Variants in RBP2 observed in about 807,000 individuals in gnomAD.
RBP2 encodes retinol-binding protein 2.
Under a neutral mutation model 17.0 loss-of-function variants are expected in RBP2, and 17 were observed. That is an observed-to-expected ratio of 1.00 (90% CI 0.68 to 1.50). The LOEUF is 1.50. RBP2 is among the 40% of genes most tolerant of loss of function. The pLI is 0.00. For missense variants in RBP2, 158 were observed against 168.2 expected (o/e 0.94, Z 0.33); for synonymous variants, 48 against 57.1 (o/e 0.84, Z 0.72).
chr3:139,469,735 A>ATCTATCTATCTATCTC (rs1169570810), intron 1 of RBP2, among the ~76,000 whole-genome samples: 1 of 151,402 alleles, frequency 6.6e-6, no homozygotes, highest in South Asian at 2.1e-4. Context: ...CTATCTATCT[A>ATCTATCTATCTATCTC]CCTACTCATT....
chr3:139,458,564 C>A (rs1188891132), intron 2 of RBP2, among the ~76,000 whole-genome samples: 18 of 152,170 alleles, frequency 1.2e-4, no homozygotes, highest in Admixed American at 1.2e-3. Flanking sequence ...ATATCTAAAT[C>A]CAGGTGATTT....
In RBP2 at chr3:139,453,043, G is replaced by C; in HGVS notation, c.*73C>G. ...CAAGAGTGGGAAGGTCCCCACAGCT[G>C]TTTCTCAAAGCCAGTAGACCACTCA... On this transcript the variant is annotated 3_prime_UTR_variant, in exon 4 of 4. Transcript: ENST00000232217. 1.3e-6 allele frequency: 2 copies of C among 1,574,442 alleles called. No individual in the cohort carries two copies. Among genetic ancestry groups the C allele is most frequent in the Non-Finnish European group, 1.7e-6 (2 of 1,144,038 alleles).
At position 139,456,409 on chromosome 3, in the gene RBP2, C is replaced by A. The variant is rs149428578; in HGVS notation, c.253-1579G>T. ...TACAATTTTATTCCTTCTCATTTTA[C>A]TCCCCAGTGCATCACAGCATTCTTT... is the stretch of plus-strand genomic sequence containing the variant. On this transcript the variant is annotated intron_variant, in intron 2 of 3. Transcript: ENST00000232217. 8.7e-3 allele frequency among the ~76,000 whole-genome samples: 1,319 copies of A among 152,316 alleles called. 5 individuals are homozygous for A. Among genetic ancestry groups the A allele is most frequent in the Middle Eastern group, 0.02 (6 of 294 alleles).
chr3:139,454,898 A>C (rs552868212), intron 2 of RBP2, 68 bp from the exon 3 acceptor site: 1 of 1,464,636 alleles, frequency 6.8e-7, no homozygotes, highest in East Asian at 2.3e-5. Flanking sequence ...CTAAACCTGC[A>C]GCTGCAATTC....
At chr3:139,463,598 A>C (rs1237928781) in intron 1 of RBP2, among the ~76,000 whole-genome samples, 2 of 152,210 alleles carry the variant, frequency 1.3e-5, no homozygotes, top group African/African-American at 4.8e-5. Flanking sequence ...TTACAAGAAG[A>C]AGCAAACCCC....
intron 1 of RBP2, among the ~76,000 whole-genome samples, chr3:139,466,220 C>T (rs1385201463): frequency 6.6e-6 from 1 of 152,120 alleles, no homozygotes; most frequent in Non-Finnish European, 1.5e-5. Context: ...TCTGAGGTGG[C>T]CACGGAGCCC....
chr3:139,453,056 A>G lies in RBP2; in HGVS notation c.*60T>C, dbSNP rs1943339066. On this transcript the variant is annotated 3_prime_UTR_variant, in exon 4 of 4. Coordinates refer to ENST00000232217, the MANE Select transcript of RBP2 (RefSeq NM_004164.3). Reference sequence around the variant, plus strand: ...GTCCCCACAGCTGTTTCTCAAAGCCAGTAGACCACTCAGTGTGGGCAGTGG... The same window carrying G: ...GTCCCCACAGCTGTTTCTCAAAGCCGGTAGACCACTCAGTGTGGGCAGTGG... 1 of 1,597,702 alleles carries G rather than the reference A, an allele frequency of 6.3e-7. No individual in the cohort carries two copies. Among genetic ancestry groups the G allele is most frequent in the Non-Finnish European group, 8.6e-7 (1 of 1,165,174 alleles).
At position 139,467,657 on chromosome 3, in the gene RBP2, C is replaced by A. The variant is rs1377213940; in HGVS notation, c.74-5367G>T. On this transcript the variant is annotated intron_variant, in intron 1 of 3. Transcript: ENST00000232217. ...AAATGCTTTACATAGTACCAAGTAG[C>A]TTGTCCATATGCAGTGCACATTGCC... 1.3e-5 allele frequency among the ~76,000 whole-genome samples: 2 copies of A among 152,156 alleles called. 1 individual carries two copies. The highest frequency in any genetic ancestry group is 4.8e-5 in the African/African-American group (2 of 41,424).
intron 1 of RBP2, among the ~76,000 whole-genome samples, chr3:139,464,017 T>C (rs573181768): frequency 1.3e-5 from 2 of 152,312 alleles, no homozygotes; most frequent in African/African-American, 4.8e-5. Flanking sequence ...GGACAAACAC[T>C]ATATTGTGGC....
At chr3:139,463,837 CT>C (rs1219399417) in intron 1 of RBP2, among the ~76,000 whole-genome samples, 2 of 152,118 alleles carry the variant, frequency 1.3e-5, no homozygotes, top group Non-Finnish European at 2.9e-5. Flanking sequence ...AGAAAATCCA[CT>C]GAGAAGGTTT....
At chr3:139,454,925 G>T in intron 2 of RBP2, 95 bp from the exon 3 acceptor site, 1 of 1,262,646 alleles carries the variant, frequency 7.9e-7, no homozygotes. Context: ...CCATTTCAGG[G>T]TCTTGCTTAC....
At chr3:139,467,332 T>A (rs1356809196) in intron 1 of RBP2, among the ~76,000 whole-genome samples, 13 of 152,050 alleles carry the variant, frequency 8.5e-5, no homozygotes, top group Non-Finnish European at 7.4e-5. Flanking sequence ...TAAATAAATA[T>A]AAATAAAAAT....
intron 1 of RBP2, among the ~76,000 whole-genome samples, chr3:139,466,947 C>T (rs1308982565): frequency 6.6e-6 from 1 of 152,186 alleles, no homozygotes; most frequent in Non-Finnish European, 1.5e-5. Flanking sequence ...CCTTCCTTAC[C>T]TGCTATCCAG....
chr3:139,462,558 AACACACACACACACACACAC>A (rs59601422), intron 1 of RBP2, among the ~76,000 whole-genome samples: 3 of 121,346 alleles, frequency 2.5e-5, no homozygotes, highest in East Asian at 2.3e-4. Context: ...GCAGCTCCCC[AACACACACACACACACACAC>A]ACACACACAC....
intron 1 of RBP2, among the ~76,000 whole-genome samples, chr3:139,462,558 A>AACACACACACACACACACACACACAC (rs59601422): frequency 0.011 from 1,308 of 121,314 alleles, 50 homozygotes; most frequent in African/African-American, 0.024. Flanking sequence ...GCAGCTCCCC[A>AACACACACACACACACACACACACAC]ACACACACAC....
chr3:139,456,981 A>C (rs1460901646), intron 2 of RBP2, among the ~76,000 whole-genome samples: 1 of 152,190 alleles, frequency 6.6e-6, no homozygotes, highest in Non-Finnish European at 1.5e-5. Flanking sequence ...TCCTCTAAAG[A>C]GATGAGAAAG....
At chr3:139,466,871 T>C in intron 1 of RBP2, 1 of 152,404 alleles carries the variant, frequency 6.6e-6, no homozygotes, top group Non-Finnish European at 1.5e-5. Context: ...CTGTCACTCT[T>C]GTCCCAGCTT....
chr3:139,476,446 T>C lies in RBP2; in HGVS notation c.14A>G (p.Gln5Arg). MTRD[Q>R]NGTWEMESNE... The stretch of plus-strand genomic sequence containing the variant: ...ACTCTCCATCTCCCAGGTTCCATTC[T>C]GGTCCCTTGTCATGGTGGTGGCCAC... The change falls in exon 1 of 4, where the codon CAG (glutamine) becomes CGG (arginine). Residue 5 changes from glutamine (Q) to arginine (R), a missense_variant. By Grantham distance (43) the Gln-to-Arg change is conservative (BLOSUM62 1). Coordinates refer to ENST00000232217, the MANE Select transcript of RBP2 (RefSeq NM_004164.3). 1.9e-6 allele frequency: 3 copies of C among 1,613,984 alleles called. No individual in the cohort carries two copies. Among genetic ancestry groups the C allele is most frequent in the African/African-American group, 1.3e-5 (1 of 74,990 alleles).
intron 1 of RBP2, among the ~76,000 whole-genome samples, chr3:139,473,263 G>T (rs138161275): frequency 3.7e-4 from 56 of 152,280 alleles, no homozygotes; most frequent in African/African-American, 1.3e-3. Flanking sequence ...GTAATTTGTG[G>T]CAAACCCAAA....
Sources: allele counts gnomAD v4.1 joint callset (sites outside exome capture counted in the v4.1 genomes callset), GRCh38; gene constraint gnomAD v4.1.1; transcripts MANE v1.5; gene names NCBI Gene and HGNC (gene_info 2026-07-23, HGNC 2026-07-21).